The following STARD8 variants were observed in gnomAD, a reference collection of about 807,000 sequenced individuals.
STARD8 encodes stAR-related lipid transfer protein 8.
Under a neutral mutation model 69.4 loss-of-function variants are expected in STARD8, and 25 were observed. The ratio of observed to expected loss-of-function variants is 0.36; its 90% CI spans 0.26 to 0.50. The LOEUF is 0.50. Among genes scored for constraint, STARD8 ranks in the 20% least tolerant of loss-of-function variants. STARD8 has a pLI of 0.96. For synonymous variants in STARD8, 389 were observed against 374.6 expected (o/e 1.04, Z -0.45); for missense variants, 921 against 932.5 (o/e 0.99, Z 0.16).
chrX:68,683,888 A>G (rs1602567521), intron 2 of STARD8, among the ~76,000 whole-genome samples: 1 of 112,149 alleles, frequency 8.9e-6, no homozygotes, highest in African/African-American at 3.2e-5. Flanking sequence ...CCACCGTTAT[A>G]TATGGGTGAA....
At chrX:68,656,334 C>T (rs771270181) in intron 1 of STARD8, 3 of 111,731 alleles carry the variant, frequency 2.7e-5, no homozygotes, top group South Asian at 3.8e-4. Flanking sequence ...GTTAGAATGG[C>T]GATCATTAAA....
chrX:68,695,889 G>A (rs2079916076), intron 2 of STARD8, among the ~76,000 whole-genome samples: 2 of 112,098 alleles, frequency 1.8e-5, no homozygotes, highest in Admixed American at 1.9e-4. Context: ...AGGTCCCAAA[G>A]GAAGGAGGGG....
intron 6 of STARD8, 104 bp downstream of exon 6, chrX:68,718,733 G>T: frequency 9.1e-7 from 1 of 1,094,854 alleles, no homozygotes; most frequent in Non-Finnish European, 1.2e-6. Context: ...GTGCTTGGCG[G>T]CTGCGTTATC....
chrX:68,653,616 A>ACAAG (rs2079591824), intron 1 of STARD8, among the ~76,000 whole-genome samples: 1 of 27,518 alleles, frequency 3.6e-5, no homozygotes, highest in African/African-American at 1.5e-4. Flanking sequence ...ACCCCACCAC[A>ACAAG]CACACACACA....
chrX:68,654,298 G>A (rs1013494302), intron 1 of STARD8, among the ~76,000 whole-genome samples: 2 of 110,791 alleles, frequency 1.8e-5, no homozygotes, highest in Non-Finnish European at 3.8e-5. Flanking sequence ...CTTGTCTCTG[G>A]TAAAATCTAA....
intron 2 of STARD8, among the ~76,000 whole-genome samples, chrX:68,697,657 C>A (rs2079931445): frequency 8.9e-6 from 1 of 112,412 alleles, no homozygotes; most frequent in African/African-American, 3.2e-5. Context: ...CATCTAATCA[C>A]CAAGGCCCAG....
At chrX:68,648,935 G>GA in intron 1 of STARD8, among the ~76,000 whole-genome samples, 1 of 112,242 alleles carries the variant, frequency 8.9e-6, no homozygotes, top group Non-Finnish European at 1.9e-5. Flanking sequence ...TTATAGATAG[G>GA]GAAAAGACAC....
At chrX:68,681,828 C>T (rs1400454067) in intron 2 of STARD8, among the ~76,000 whole-genome samples, 2 of 111,258 alleles carry the variant, frequency 1.8e-5, no homozygotes, top group Admixed American at 1.9e-4. Context: ...CTCTCTCTTC[C>T]CCTCTCACCA....
intron 1 of STARD8, among the ~76,000 whole-genome samples, chrX:68,664,652 A>C (rs1478992716): frequency 1.8e-5 from 2 of 109,183 alleles, no homozygotes; most frequent in Non-Finnish European, 3.8e-5. Context: ...CCACTCAATC[A>C]CTCTCTACCT....
rs1328627775 is a variant in STARD8 at position 68,718,429 on chromosome X, G to A, written c.1515G>A (p.Gly505=). 4.1e-6 allele frequency: 5 copies of A among 1,209,910 alleles called. No homozygotes were observed. The African/African-American group carries it at 8.7e-5, about 21-fold the overall frequency. The change falls in exon 6 of 15, where the codon GGG becomes GGA. Residue 505 remains glycine (G), a synonymous_variant. Transcript: ENST00000374599. Reference sequence around the variant, plus strand: ...GTGAGCAGGAGGCACATTCAGGCGGGGAACCCACCTTTGCCTCTAGCCTGT... The same window carrying A: ...GTGAGCAGGAGGCACATTCAGGCGGAGAACCCACCTTTGCCTCTAGCCTGT... ...QDSEQEAHSG[G]EPTFASSLSV...
In STARD8 at chrX:68,722,493, C is replaced by G; in HGVS notation, c.2646C>G (p.Ala882=). 8.3e-7 allele frequency: 1 copy of G among 1,211,066 alleles called. No homozygotes were observed. Among genetic ancestry groups the G allele is most frequent in the Non-Finnish European group, 1.1e-6 (1 of 895,347 alleles). ...CTGAGCTCAGCCCTCCCGGCCCAGC[C>G]CTGGCTGAGCTGCGTCAGGCCCAAG... The part of the protein sequence containing the change: ...SAAELSPPGP[A]LAELRQAQAA... The change falls in exon 12 of 15, where the codon GCC becomes GCG. Residue 882 remains alanine, a synonymous_variant. Coordinates refer to ENST00000374599, the MANE Select transcript of STARD8 (RefSeq NM_001142503.3).
chrX:68,698,294 AG>A (rs1175671368), intron 2 of STARD8, among the ~76,000 whole-genome samples: 2 of 111,173 alleles, frequency 1.8e-5, no homozygotes, highest in African/African-American at 3.3e-5. Context: ...AAAAAGGGGT[AG>A]GGGGGTGTTT....
intron 2 of STARD8, among the ~76,000 whole-genome samples, chrX:68,687,402 ACTCT>A (rs2079840870): frequency 2.7e-5 from 3 of 110,974 alleles, no homozygotes; most frequent in African/African-American, 3.3e-5. Flanking sequence ...ATACTCACTC[ACTCT>A]CTCTCGAGAC....
rs1376945474 is a variant in STARD8 at position 68,722,748 on chromosome X, C to T, written c.2799+102C>T. ...GGAAGGAGCCGGGGAGGAGCTGCCG[C>T]CTGAGTCTCGCTGTGCCTCGGCCTG... On this transcript the variant is annotated intron_variant, in intron 12 of 14. Transcript: ENST00000374599. 7.3e-6 allele frequency: 6 copies of T among 817,724 alleles called. No homozygotes were observed. The East Asian group carries it at 1.4e-4, about 19-fold the overall frequency. 67.4% of individuals were successfully genotyped at this position (817,724 alleles called of 1,213,427 possible). A position where few individuals can be genotyped will look rare whatever the true frequency, so the allele number is the denominator to read the frequency against.
chrX:68,695,590 T>C (rs1224565424), intron 2 of STARD8, among the ~76,000 whole-genome samples: 1 of 111,104 alleles, frequency 9.0e-6, no homozygotes, highest in Non-Finnish European at 1.9e-5. Context: ...CAAGAAGGGC[T>C]GAACTGAAGG....
intron 2 of STARD8, among the ~76,000 whole-genome samples, chrX:68,682,000 A>ATT (rs58696444): frequency 8.3e-5 from 8 of 96,112 alleles, no homozygotes; most frequent in Non-Finnish European, 8.5e-5. Context: ...TTACTCTTCA[A>ATT]TTTTTTTTTT....
At chrX:68,653,015 A>C in intron 1 of STARD8, among the ~76,000 whole-genome samples, 3 of 8,963 alleles carry the variant, frequency 3.3e-4, no homozygotes, top group South Asian at 6.5e-3. Flanking sequence ...ACACCACCAC[A>C]CACACACACC....
At chrX:68,665,574 A>T (rs766965852) in intron 2 of STARD8, 42 bp downstream of exon 2, 4 of 1,188,714 alleles carry the variant, frequency 3.4e-6, no homozygotes, top group Non-Finnish European at 4.6e-6. Flanking sequence ...ATACAAAGAG[A>T]CTGAGCTTCT....
intron 1 of STARD8, among the ~76,000 whole-genome samples, chrX:68,654,733 G>T (rs1179839908): frequency 9.2e-6 from 1 of 108,464 alleles, no homozygotes; most frequent in Non-Finnish European, 1.9e-5. Flanking sequence ...TCACATTCAT[G>T]CACACACACA....
Sources: allele counts gnomAD v4.1 joint callset (sites outside exome capture counted in the v4.1 genomes callset), GRCh38; gene constraint gnomAD v4.1.1; transcripts MANE v1.5; gene names NCBI Gene and HGNC (gene_info 2026-07-23, HGNC 2026-07-21).